NUP153: variants seen among roughly 807,000 people sequenced by gnomAD.
NUP153 encodes the protein nucleoporin 153.
A neutral mutation model predicts 134.6 loss-of-function variants in NUP153; 27 were observed. The ratio of observed to expected loss-of-function variants is 0.20; its 90% CI spans 0.15 to 0.28. The LOEUF is 0.28. Ranked by LOEUF, NUP153 falls within the 10% of genes least tolerant of loss-of-function variation. The pLI is 1.00. For missense variants in NUP153, 1,821 were observed against 1,731.3 expected (o/e 1.05, Z -0.92); for synonymous variants, 640 against 623.5 (o/e 1.03, Z -0.40).
At chr6:17,631,651 T>A (rs1765258762) in intron 17 of NUP153, among the ~76,000 whole-genome samples, 1 of 152,200 alleles carries the variant, frequency 6.6e-6, no homozygotes, top group African/African-American at 2.4e-5. Flanking sequence ...GCGGGCTTAC[T>A]CTTTTACAGA....
intron 2 of NUP153, among the ~76,000 whole-genome samples, chr6:17,681,338 G>A (rs986589932): frequency 1.3e-5 from 2 of 152,144 alleles, no homozygotes; most frequent in African/African-American, 2.4e-5. Context: ...TGTAATCCTA[G>A]CACTTTGGGA....
intron 1 of NUP153, among the ~76,000 whole-genome samples, chr6:17,694,284 T>C (rs1344664905): frequency 6.6e-6 from 1 of 152,184 alleles, no homozygotes; most frequent in Non-Finnish European, 1.5e-5. Flanking sequence ...TAGTATAGAT[T>C]CTAAAATATT....
intron 20 of NUP153, among the ~76,000 whole-genome samples, chr6:17,619,938 A>T (rs185018546): frequency 6.6e-6 from 1 of 152,172 alleles, no homozygotes; most frequent in East Asian, 1.9e-4. Context: ...TCTCTACTAA[A>T]AATACAAAAA....
At chr6:17,653,523 A>C (rs1187370169) in intron 11 of NUP153, among the ~76,000 whole-genome samples, 1 of 152,224 alleles carries the variant, frequency 6.6e-6, no homozygotes, top group Non-Finnish European at 1.5e-5. Flanking sequence ...TAGAAAGTTA[A>C]ACATACAACT....
In NUP153 at chr6:17,651,993, G is replaced by A. The variant is rs1424793164; in HGVS notation, c.1396-2693C>T. 9 of 511,656 alleles carry A rather than the reference G, an allele frequency of 1.8e-5. 1 individual carries two copies. The highest frequency in any genetic ancestry group is 1.1e-4 in the South Asian group (4 of 35,076). The allele number at this position is 511,656 out of a possible 1,614,324, so 31.7% of individuals were successfully genotyped here. A position where few individuals can be genotyped will look rare whatever the true frequency, so the allele number is the denominator to read the frequency against. On this transcript the variant is annotated intron_variant, in intron 11 of 21. Transcript: ENST00000262077. ...GCCTGTGGTCCCAGCTACTTGGGAG[G>A]CTCAGGTGGCCACGCCACTGCACTC...
intron 1 of NUP153, among the ~76,000 whole-genome samples, chr6:17,697,296 G>A (rs957897508): frequency 2.0e-5 from 3 of 152,270 alleles, no homozygotes; most frequent in South Asian, 2.1e-4. Context: ...AATTCAATCT[G>A]GGGATTAGAA....
At chr6:17,672,180 A>C (rs976704158) in intron 5 of NUP153, among the ~76,000 whole-genome samples, 3 of 151,704 alleles carry the variant, frequency 2.0e-5, no homozygotes, top group Non-Finnish European at 4.4e-5. Context: ...GCCTATGGCA[A>C]TCAAGACAGT....
At chr6:17,652,405 C>T (rs1351193275) in intron 11 of NUP153, among the ~76,000 whole-genome samples, 4 of 152,008 alleles carry the variant, frequency 2.6e-5, no homozygotes, top group African/African-American at 7.2e-5. Flanking sequence ...AAATTCAATA[C>T]ATTTCTAAAT....
intron 1 of NUP153, among the ~76,000 whole-genome samples, chr6:17,699,313 G>A (rs1278564182): frequency 2.0e-5 from 3 of 151,224 alleles, no homozygotes; most frequent in Non-Finnish European, 4.4e-5. Flanking sequence ...TGGCCAACAT[G>A]GTGAAACCCC....
At chr6:17,618,654 C>T (rs1764470112) in intron 20 of NUP153, among the ~76,000 whole-genome samples, 1 of 151,562 alleles carries the variant, frequency 6.6e-6, no homozygotes. Context: ...CAAGCTCCAC[C>T]TCCCGAGTTC....
intron 2 of NUP153, among the ~76,000 whole-genome samples, chr6:17,678,352 C>CAAAAAAAAAAAAAAAAAAAAAAAAAAAAA (rs11428582): frequency 7.3e-5 from 5 of 68,220 alleles, no homozygotes; most frequent in African/African-American, 2.5e-4. Flanking sequence ...CCCTCTGTCT[C>CAAAAAAAAAAAAAAAAAAAAAAAAAAAAA]AAAAAAAAAA....
rs767029559 is a variant in NUP153, at chr6:17,665,243, C to A, written c.1211G>T (p.Cys404Phe). Residue 404 changes from cysteine (C) to phenylalanine (F), a missense_variant, in exon 9 of 22, where the codon TGC (cysteine) becomes TTC (phenylalanine). Cys to Phe is a radical substitution (Grantham distance 205). Coordinates refer to ENST00000262077, the MANE Select transcript of NUP153 (RefSeq NM_005124.4). ...RKTNQRIDNK[C>F]STGYEKNMTP... Reference sequence around the variant, plus strand: ...TAGAAATATACATATACTCACACTGCACTTGTTATCTATTCTTTGATTAGT... The same window carrying A: ...TAGAAATATACATATACTCACACTGAACTTGTTATCTATTCTTTGATTAGT... 2.1e-5 allele frequency: 33 copies of A among 1,601,106 alleles called. No homozygotes were observed. The Middle Eastern group carries it at 9.9e-4, about 48-fold the overall frequency.
Position 17,675,457 on chromosome 6 carries a change from AG to A in NUP153, c.583+64del, listed in dbSNP as rs1768164606. ...AGAAAATAAAAATTACAACCAAGTC[AG>A]AAAAAAAACCCATAAAATTTAATGT... On this transcript the variant is annotated intron_variant, in intron 3 of 21. Coordinates refer to ENST00000262077, the MANE Select transcript of NUP153 (RefSeq NM_005124.4). The surrounding 1 kb of genome is among the most constrained non-coding windows in gnomAD (Gnocchi z 4.4). 20 of 1,577,920 alleles carry A rather than the reference AG, an allele frequency of 1.3e-5. No individual in the cohort carries two copies. The highest frequency in any genetic ancestry group is 1.1e-4 in the Admixed American group (6 of 54,184).
At chr6:17,684,095 C>G (rs1300024164) in intron 2 of NUP153, among the ~76,000 whole-genome samples, 1 of 152,162 alleles carries the variant, frequency 6.6e-6, no homozygotes, top group Non-Finnish European at 1.5e-5. Flanking sequence ...TGCCTTCTGC[C>G]ATGAGTAAAA....
At chr6:17,617,172 C>T (rs898251581) in intron 20 of NUP153, among the ~76,000 whole-genome samples, 1 of 152,136 alleles carries the variant, frequency 6.6e-6, no homozygotes, top group African/African-American at 2.4e-5. Context: ...ATAGTACATA[C>T]TTGACACCTC....
intron 1 of NUP153, among the ~76,000 whole-genome samples, chr6:17,692,230 C>T (rs1018763849): frequency 7.9e-5 from 12 of 152,088 alleles, no homozygotes; most frequent in African/African-American, 1.2e-4. Context: ...GATTACAGAC[C>T]GATTTTCTAT....
At chr6:17,678,873 G>A (rs1002813800) in intron 2 of NUP153, among the ~76,000 whole-genome samples, 4 of 151,602 alleles carry the variant, frequency 2.6e-5, no homozygotes, top group African/African-American at 9.7e-5. Flanking sequence ...TTGAGCCCAG[G>A]AGTTCAAGGC....
At chr6:17,691,797 G>A (rs1324225241) in intron 1 of NUP153, among the ~76,000 whole-genome samples, 1 of 151,864 alleles carries the variant, frequency 6.6e-6, no homozygotes, top group East Asian at 1.9e-4. Context: ...ATAGGTGACA[G>A]GCTAGCTAAA....
At chr6:17,629,666 C>A in intron 17 of NUP153, 127 bp from the exon 18 acceptor site, 1 of 734,384 alleles carries the variant, frequency 1.4e-6, no homozygotes, top group Non-Finnish European at 2.1e-6. Flanking sequence ...AAGAGTATTA[C>A]CAGCAGCTGT....
Sources: allele counts gnomAD v4.1 joint callset (sites outside exome capture counted in the v4.1 genomes callset), GRCh38; gene constraint gnomAD v4.1.1; non-coding constraint Gnocchi (gnomAD v3.1); transcripts MANE v1.5; gene names NCBI Gene and HGNC (gene_info 2026-07-23, HGNC 2026-07-21).